The following CWC27 variants were observed in gnomAD, a reference collection of about 807,000 sequenced individuals.
CWC27 encodes CWC27 spliceosome associated cyclophilin, also known as spliceosome-associated protein CWC27 homolog.
In CWC27, 47 loss-of-function variants were observed where a neutral mutation model predicts 63.6. That is an observed-to-expected ratio of 0.74 (90% CI 0.58 to 0.94). The LOEUF (loss-of-function observed/expected upper bound fraction) is 0.94. Among genes scored for constraint, CWC27 ranks in the 40% least tolerant of loss-of-function variants. CWC27 has a pLI of 0.00. For synonymous variants in CWC27, 175 were observed against 179.8 expected, an observed-to-expected ratio of 0.97 and a Z score of 0.22; for missense variants, 495 against 554.3, an observed-to-expected ratio of 0.89 and a Z score of 1.07.
chr5:64,867,565 G>C (rs1419354802), intron 10 of CWC27, among the ~76,000 whole-genome samples: 1 of 152,058 alleles, frequency 6.6e-6, no homozygotes, highest in Non-Finnish European at 1.5e-5. Flanking sequence ...AGTTTGTAGA[G>C]TAAGTCAGAG....
At chr5:65,004,378 CTTTT>C (rs70983659) in intron 13 of CWC27, among the ~76,000 whole-genome samples, 1 of 79,530 alleles carries the variant, frequency 1.3e-5, no homozygotes, top group Non-Finnish European at 2.3e-5. Flanking sequence ...GTTGTATAGG[CTTTT>C]TTTTTTTTTT....
intron 10 of CWC27, among the ~76,000 whole-genome samples, chr5:64,850,193 A>G (rs1286756371): frequency 6.7e-6 from 1 of 150,232 alleles, no homozygotes; most frequent in African/African-American, 2.5e-5. Flanking sequence ...TATACTACAA[A>G]GTTGTAGTAA....
At chr5:64,866,368 A>C (rs1344471500) in intron 10 of CWC27, among the ~76,000 whole-genome samples, 1 of 152,046 alleles carries the variant, frequency 6.6e-6, no homozygotes, top group Admixed American at 6.6e-5. Flanking sequence ...ACCTAGCAGG[A>C]AAAAAATACC....
chr5:64,950,261 T>C (rs1366869435), intron 11 of CWC27, among the ~76,000 whole-genome samples: 1 of 151,980 alleles, frequency 6.6e-6, no homozygotes, highest in African/African-American at 2.4e-5. Context: ...ATTATATAAA[T>C]TGTAACTAAT....
At chr5:65,006,998 GAAAGAAAGA>G (rs1749856287) in intron 13 of CWC27, among the ~76,000 whole-genome samples, 1 of 149,014 alleles carries the variant, frequency 6.7e-6, no homozygotes, top group Non-Finnish European at 1.5e-5. Flanking sequence ...AAGAAAGAAA[GAAAGAAAGA>G]AAGAAAGAAA....
At chr5:64,784,087 A>C in intron 4 of CWC27, 108 bp downstream of exon 4, 2 of 949,070 alleles carry the variant, frequency 2.1e-6, no homozygotes, top group Non-Finnish European at 1.5e-6. Flanking sequence ...CCTTTGTAAA[A>C]ACATTCCATA....
rs541010094 is a variant in CWC27, at chr5:65,003,405, TCTC to T, written c.1257-14751_1257-14749del. On this transcript the variant is annotated intron_variant, in intron 13 of 13. Coordinates refer to ENST00000381070, the MANE Select transcript of CWC27 (RefSeq NM_005869.4). ...TTGCCATTTCCCTTCCCTTTCTTCT[TCTC>T]CTATTTTTTGTTGCAGTTTTATGAT... Among the ~76,000 whole-genome samples the T allele has an allele frequency of 7.2e-5, 11 of 152,294 alleles. No homozygotes were observed. In the East Asian group the frequency reaches 1.9e-3, roughly 27 times the overall value.
rs545531157 is a variant in CWC27, at chr5:65,006,560, T to A, written c.1257-11599T>A. Among the ~76,000 whole-genome samples the A allele has an allele frequency of 4.6e-5, 7 of 152,266 alleles. No individual in the cohort carries two copies. The East Asian group carries it at 1.3e-3, about 29-fold the overall frequency. On this transcript the variant is annotated intron_variant, in intron 13 of 13. Coordinates refer to ENST00000381070, the MANE Select transcript of CWC27 (RefSeq NM_005869.4). ...AACTGCAACCTATTAAAGGAGTACA[T>A]TGATATACTATGTTTCTAGAATACT...
chr5:64,975,294 G>C (rs1184901439), intron 12 of CWC27, among the ~76,000 whole-genome samples: 1 of 151,988 alleles, frequency 6.6e-6, no homozygotes, highest in African/African-American at 2.4e-5. Flanking sequence ...TGATCTTATT[G>C]ATACTCTCTA....
chr5:64,807,773 G>C (rs959880032), intron 10 of CWC27: 2 of 1,535,498 alleles, frequency 1.3e-6, no homozygotes, highest in Non-Finnish European at 1.7e-6. Flanking sequence ...CTCACTCAAC[G>C]GATCACCTGG....
chr5:64,840,400 T>A (rs1208889548), intron 10 of CWC27, among the ~76,000 whole-genome samples: 1 of 51,164 alleles, frequency 2.0e-5, no homozygotes, highest in Admixed American at 1.8e-4. Context: ...AAAAAATATA[T>A]ATATATATAT....
At chr5:64,857,510 C>G (rs1222872057) in intron 10 of CWC27, among the ~76,000 whole-genome samples, 1 of 151,998 alleles carries the variant, frequency 6.6e-6, no homozygotes, top group African/African-American at 2.4e-5. Flanking sequence ...TTTGTTGACA[C>G]TGAAAAAAGA....
At chr5:64,891,787 T>TTGTTGTTGC (rs1405477575) in intron 11 of CWC27, among the ~76,000 whole-genome samples, 1 of 150,926 alleles carries the variant, frequency 6.6e-6, no homozygotes, top group Non-Finnish European at 1.5e-5. Context: ...GTTGTTGTTG[T>TTGTTGTTGC]TGTTGTTGTT....
chr5:64,928,354 A>G (rs1259776143), intron 11 of CWC27, among the ~76,000 whole-genome samples: 2 of 152,236 alleles, frequency 1.3e-5, no homozygotes, highest in Non-Finnish European at 2.9e-5. Flanking sequence ...ACTTAAGTAT[A>G]CAATATAATG....
At chr5:64,934,797 A>G (rs1338191540) in intron 11 of CWC27, among the ~76,000 whole-genome samples, 2 of 152,178 alleles carry the variant, frequency 1.3e-5, no homozygotes, top group Admixed American at 1.3e-4. Context: ...TCACCATTCT[A>G]ACTGGCGTGA....
chr5:64,936,834 G>T (rs1164799003), intron 11 of CWC27, among the ~76,000 whole-genome samples: 4 of 152,130 alleles, frequency 2.6e-5, no homozygotes, highest in Non-Finnish European at 5.9e-5. Context: ...TTTGGAGGGT[G>T]TATGTGTCCA....
intron 10 of CWC27, among the ~76,000 whole-genome samples, chr5:64,863,453 T>C (rs1351981659): frequency 6.6e-6 from 1 of 150,960 alleles, no homozygotes; most frequent in African/African-American, 2.4e-5. Context: ...CCCTACACCC[T>C]CCCTTTCCCT....
intron 2 of CWC27, among the ~76,000 whole-genome samples, chr5:64,776,068 CGAGAGAGAGAGA>C (rs70983650): frequency 0.034 from 3,641 of 108,576 alleles, 48 homozygotes; most frequent in Middle Eastern, 0.061. Context: ...AGGAGTGGAG[CGAGAGAGAGAGA>C]GAGAGAGAGA....
chr5:64,789,299 A>AT (rs1196820017), intron 7 of CWC27, among the ~76,000 whole-genome samples: 3 of 151,996 alleles, frequency 2.0e-5, no homozygotes, highest in African/African-American at 7.2e-5. Flanking sequence ...CCTAACTGCT[A>AT]TTTTTTCAGG....
Sources: gnomAD v4.1 joint callset for allele counts (sites outside exome capture counted in the v4.1 genomes callset) on GRCh38, gnomAD v4.1.1 for gene constraint, MANE v1.5 for transcripts, NCBI Gene and HGNC (gene_info 2026-07-23, HGNC 2026-07-21) for gene names.